PIERCE2: variants seen among roughly 807,000 people sequenced by gnomAD.
The protein encoded by PIERCE2 is piercer of microtubule wall 2.
chr15:55,408,935 A>G, the PIERCE2 span: 1 of 582,882 alleles, frequency 1.7e-6, no homozygotes, highest in Non-Finnish European at 3.0e-6. Context: ...ACACTTGTAA[A>G]TGCACGTTTC....
the PIERCE2 span, chr15:55,408,574 G>A: frequency 2.5e-6 from 1 of 407,564 alleles, no homozygotes; most frequent in Non-Finnish European, 4.4e-6. Flanking sequence ...AGAATTCGTG[G>A]TTTCACCCGG....
the PIERCE2 span, chr15:55,408,524 C>T: frequency 1.7e-5 from 6 of 360,650 alleles, no homozygotes; most frequent in African/African-American, 1.1e-4. Flanking sequence ...AGCCGGCGAC[C>T]ACTTCCAGTT....
At chr15:55,408,884 C>A in the PIERCE2 span, 1 of 804,696 alleles carries the variant, frequency 1.2e-6, no homozygotes, top group Non-Finnish European at 1.9e-6. Context: ...CCCACAACCC[C>A]GAAAAGCACT....
the PIERCE2 span, chr15:55,417,900 T>A: frequency 3.6e-3 from 1,631 of 447,058 alleles, 27 homozygotes; most frequent in African/African-American, 0.03. Flanking sequence ...GGTTATTCTG[T>A]GGCGGGCAGG....
chr15:55,413,011 A>G, the PIERCE2 span, among the ~76,000 whole-genome samples: 2 of 152,060 alleles, frequency 1.3e-5, no homozygotes, highest in South Asian at 4.1e-4. Flanking sequence ...GTGCGCACCT[A>G]TAATCCCAGC....
chr15:55,415,379 C>G, the PIERCE2 span, among the ~76,000 whole-genome samples: 1 of 151,078 alleles, frequency 6.6e-6, no homozygotes, highest in African/African-American at 2.4e-5. Flanking sequence ...TCGCTTGAAC[C>G]TGGAAGGCGG....
the PIERCE2 span, among the ~76,000 whole-genome samples, chr15:55,414,209 GTTT>G: frequency 2.2e-5 from 3 of 134,418 alleles, no homozygotes; most frequent in Non-Finnish European, 3.2e-5. Context: ...GTTTTTTTTT[GTTT>G]TTTTTTTTTT....
the PIERCE2 span, chr15:55,418,618 G>A: frequency 3.2e-6 from 4 of 1,251,100 alleles, no homozygotes; most frequent in Non-Finnish European, 4.3e-6. Context: ...CGGGAAAAAT[G>A]AGTGTTAAAT....
At chr15:55,418,075 T>G in the PIERCE2 span, 1 of 1,544,816 alleles carries the variant, frequency 6.5e-7, no homozygotes, top group Non-Finnish European at 8.8e-7. Flanking sequence ...ACTAGGGATA[T>G]GATGGCTTAG....
chr15:55,417,387 G>C, the PIERCE2 span, among the ~76,000 whole-genome samples: 13 of 151,884 alleles, frequency 8.6e-5, no homozygotes, highest in African/African-American at 3.1e-4. Flanking sequence ...CCCAACACTA[G>C]ATAAGAACCC....
chr15:55,409,085 G>T, the PIERCE2 span, among the ~76,000 whole-genome samples: 2 of 152,144 alleles, frequency 1.3e-5, no homozygotes, highest in Non-Finnish European at 2.9e-5. Flanking sequence ...AAATTGCACT[G>T]TGTCAAAGAA....
At chr15:55,408,725 A>T in the PIERCE2 span, 1 of 1,478,326 alleles carries the variant, frequency 6.8e-7, no homozygotes, top group Non-Finnish European at 9.1e-7. Flanking sequence ...CATCTGCTGC[A>T]TGAAAACTGA....
At chr15:55,417,929 C>T in the PIERCE2 span, 1 of 523,608 alleles carries the variant, frequency 1.9e-6, no homozygotes, top group Admixed American at 3.8e-5. Flanking sequence ...TCACAAGGTG[C>T]TCAGTGGGGG....
chr15:55,417,207 A>G, the PIERCE2 span, among the ~76,000 whole-genome samples: 3 of 152,260 alleles, frequency 2.0e-5, no homozygotes, highest in South Asian at 6.2e-4. Context: ...AACACAGTCA[A>G]CAAAACCCTA....
At chr15:55,418,166 AT>A in the PIERCE2 span, 2 of 1,562,926 alleles carry the variant, frequency 1.3e-6, no homozygotes, top group African/African-American at 1.4e-5. Flanking sequence ...ACTGAATTAA[AT>A]TTTTTTTTTT....
chr15:55,412,642 T>C, the PIERCE2 span, among the ~76,000 whole-genome samples: 1 of 152,182 alleles, frequency 6.6e-6, no homozygotes, highest in Non-Finnish European at 1.5e-5. Context: ...CTGTGGCATG[T>C]ACCTGAAGTC....
At chr15:55,415,193 C>T in the PIERCE2 span, among the ~76,000 whole-genome samples, 1 of 152,036 alleles carries the variant, frequency 6.6e-6, no homozygotes, top group Non-Finnish European at 1.5e-5. Context: ...CTTGGCCGGG[C>T]GTGGTGGCTC....
chr15:55,409,650 A>T, the PIERCE2 span, among the ~76,000 whole-genome samples: 1 of 152,194 alleles, frequency 6.6e-6, no homozygotes, highest in Non-Finnish European at 1.5e-5. Flanking sequence ...CAGTGACATC[A>T]AAAAATCTTA....
At chr15:55,409,700 A>G in the PIERCE2 span, among the ~76,000 whole-genome samples, 14 of 152,156 alleles carry the variant, frequency 9.2e-5, 1 homozygote. Flanking sequence ...ATTATTAATC[A>G]ATGGCTTGTT....
Sources: allele counts gnomAD v4.1 joint callset (sites outside exome capture counted in the v4.1 genomes callset), GRCh38; gene constraint gnomAD v4.1.1; transcripts MANE v1.5; gene names NCBI Gene and HGNC (gene_info 2026-07-23, HGNC 2026-07-21).